The following DTD1 variants were observed in gnomAD, a reference collection of about 807,000 sequenced individuals.
The protein encoded by DTD1 is D-tyrosyl-tRNA deacylase 1 homolog.
DTD1 carries 13 observed loss-of-function variants against 25.6 expected under a neutral mutation model. The ratio of observed to expected loss-of-function variants is 0.51; its 90% CI spans 0.33 to 0.81. DTD1 has a LOEUF of 0.81. DTD1 is among the 30% of genes least tolerant of loss of function. The pLI is 0.02. For synonymous variants in DTD1, 110 were observed against 103.6 expected, an observed-to-expected ratio of 1.06 and a Z score of -0.37; for missense variants, 193 against 266.4, an observed-to-expected ratio of 0.72 and a Z score of 1.92.
chr20:18,693,002 T>G (rs1411259255), intron 4 of DTD1, among the ~76,000 whole-genome samples: 1 of 148,600 alleles, frequency 6.7e-6, no homozygotes, highest in Non-Finnish European at 1.5e-5. Flanking sequence ...GCGATTCTCC[T>G]GCCTCAGCCT....
intron 5 of DTD1, among the ~76,000 whole-genome samples, chr20:18,751,026 C>T (rs961828949): frequency 6.6e-6 from 1 of 151,898 alleles, no homozygotes; most frequent in African/African-American, 2.4e-5. Context: ...AAGATGTGTC[C>T]TGGCTGAGCA....
chr20:18,598,503 A>AT (rs201752077), intron 3 of DTD1, among the ~76,000 whole-genome samples: 4,495 of 145,964 alleles, frequency 0.031, 100 homozygotes, highest in African/African-American at 0.05. Flanking sequence ...AGTAACAGTA[A>AT]TTTTTTTTTT....
intron 4 of DTD1, among the ~76,000 whole-genome samples, chr20:18,649,073 G>C (rs1226264974): frequency 6.7e-6 from 1 of 148,430 alleles, no homozygotes; most frequent in Non-Finnish European, 1.5e-5. Flanking sequence ...GTATTTTGTA[G>C]CTCCTACATC....
Position 18,685,708 on chromosome 20 carries a change from G to A in DTD1, c.477+57475G>A, listed in dbSNP as rs11907244. On this transcript the variant is annotated intron_variant, in intron 4 of 5. Coordinates refer to ENST00000377452, the MANE Select transcript of DTD1 (RefSeq NM_080820.6). ...ATTTCATACTCTGTGGTTTGTTTTA[G>A]CTCTCTTTTCTCAAAGCTAAATACC... is the stretch of plus-strand genomic sequence containing the variant. Among the ~76,000 whole-genome samples the A allele has an allele frequency of 2.6e-3, 391 of 152,282 alleles. 3 individuals are homozygous for A. Among genetic ancestry groups the A allele is most frequent in the African/African-American group, 9.0e-3 (376 of 41,560 alleles).
At chr20:18,660,383 C>G (rs1026224662) in intron 4 of DTD1, among the ~76,000 whole-genome samples, 14 of 151,922 alleles carry the variant, frequency 9.2e-5, no homozygotes, top group Middle Eastern at 3.2e-3. Flanking sequence ...GTACGCTTGG[C>G]AAATTTTTGT....
At chr20:18,714,988 C>A (rs536560639) in intron 4 of DTD1, among the ~76,000 whole-genome samples, 34 of 152,240 alleles carry the variant, frequency 2.2e-4, no homozygotes, top group Non-Finnish European at 4.0e-4. Context: ...AGTGCACAGG[C>A]CTTTCCTAGA....
chr20:18,660,462 C>T (rs994068919), intron 4 of DTD1, among the ~76,000 whole-genome samples: 1 of 152,138 alleles, frequency 6.6e-6, no homozygotes, highest in Non-Finnish European at 1.5e-5. Flanking sequence ...CTCAAGTAAT[C>T]TGCCTGCCTT....
intron 3 of DTD1, among the ~76,000 whole-genome samples, chr20:18,626,653 T>C (rs6081256): frequency 0.31 from 47,753 of 152,062 alleles, 8,201 homozygotes; most frequent in South Asian, 0.42. Flanking sequence ...CTTTACCCTT[T>C]GATCTGGACT....
intron 4 of DTD1, among the ~76,000 whole-genome samples, chr20:18,670,525 A>C (rs2060948161): frequency 6.6e-6 from 1 of 152,214 alleles, no homozygotes; most frequent in African/African-American, 2.4e-5. Context: ...TTCTGCAATT[A>C]AATTATCAAC....
intron 4 of DTD1, among the ~76,000 whole-genome samples, chr20:18,664,120 C>T (rs942636767): frequency 3.3e-5 from 5 of 152,178 alleles, no homozygotes; most frequent in African/African-American, 4.8e-5. Context: ...GTTCACAAGA[C>T]GATGAAATCA....
rs2060675333 is a variant in DTD1, at chr20:18,609,078, T to A, written c.370+12837T>A. Among the ~76,000 whole-genome samples the A allele has an allele frequency of 2.0e-5, 3 of 152,166 alleles. No homozygotes were observed. The South Asian group carries it at 6.2e-4, about 31-fold the overall frequency. On this transcript the variant is annotated intron_variant, in intron 3 of 5. Coordinates refer to ENST00000377452, the MANE Select transcript of DTD1 (RefSeq NM_080820.6). ...CATTTTGAGCCCTTCCTAAGTAGAA[T>A]GTGTTTTTCAATGTTGAACTGCAGT...
At chr20:18,759,242 C>A (rs6132110) in intron 5 of DTD1, among the ~76,000 whole-genome samples, 1 of 151,888 alleles carries the variant, frequency 6.6e-6, no homozygotes, top group Non-Finnish European at 1.5e-5. Flanking sequence ...TCACATTTAA[C>A]GTTAATATTG....
chr20:18,632,265 T>C (rs1272882845), intron 4 of DTD1: 1 of 985,378 alleles, frequency 1.0e-6, no homozygotes, highest in Non-Finnish European at 1.2e-6. Context: ...CTGAATCCTT[T>C]AGGAGTTTTC....
chr20:18,655,789 A>G (rs192428682), intron 4 of DTD1, among the ~76,000 whole-genome samples: 1 of 150,850 alleles, frequency 6.6e-6, no homozygotes, highest in African/African-American at 2.4e-5. Flanking sequence ...TTTTTTTTTG[A>G]GAGGGAGTTT....
chr20:18,617,016 C>T (rs966083681), intron 3 of DTD1, among the ~76,000 whole-genome samples: 1 of 152,148 alleles, frequency 6.6e-6, no homozygotes, highest in Non-Finnish European at 1.5e-5. Context: ...CCCCTCCTGT[C>T]CTTATTCTCC....
intron 3 of DTD1, among the ~76,000 whole-genome samples, chr20:18,607,973 C>G (rs1271520491): frequency 6.6e-6 from 1 of 152,216 alleles, no homozygotes; most frequent in East Asian, 1.9e-4. Flanking sequence ...CTCAGCCTCT[C>G]AAAGTGCTGG....
chr20:18,632,394 G>A (rs1032631725), intron 4 of DTD1: 1 of 985,474 alleles, frequency 1.0e-6, no homozygotes, highest in African/African-American at 1.7e-5. Context: ...TCCAGTAGGT[G>A]GCGGTGGGTA....
chr20:18,588,354 GCT>G (rs2060574716), intron 1 of DTD1, among the ~76,000 whole-genome samples: 1 of 152,080 alleles, frequency 6.6e-6, no homozygotes, highest in African/African-American at 2.4e-5. Context: ...CTGGCTTCCG[GCT>G]CTCGGCAGAG....
At chr20:18,611,678 A>G (rs2060686988) in intron 3 of DTD1, among the ~76,000 whole-genome samples, 1 of 152,036 alleles carries the variant, frequency 6.6e-6, no homozygotes, top group Non-Finnish European at 1.5e-5. Context: ...AGCTCTTCCC[A>G]CATGGTCCCT....
Sources: gnomAD v4.1 joint callset for allele counts (sites outside exome capture counted in the v4.1 genomes callset) on GRCh38, gnomAD v4.1.1 for gene constraint, MANE v1.5 for transcripts, NCBI Gene and HGNC (gene_info 2026-07-23, HGNC 2026-07-21) for gene names.